ADARB2: variants seen among roughly 807,000 people sequenced by gnomAD.
ADARB2 encodes adenosine deaminase RNA specific B2 (inactive), also known as inactive double-stranded RNA-specific editase B2.
In ADARB2, 25 loss-of-function variants were observed where a neutral mutation model predicts 62.2. That is an observed-to-expected ratio of 0.40 (90% CI 0.29 to 0.56). ADARB2 has a LOEUF of 0.56. ADARB2 is among the 20% of genes least tolerant of loss of function. The pLI is 0.43. For missense variants in ADARB2, 1,071 were observed against 1,077.4 expected (o/e 0.99, Z 0.08); for synonymous variants, 572 against 500.8 (o/e 1.14, Z -1.90).
intron 1 of ADARB2, among the ~76,000 whole-genome samples, chr10:1,554,832 C>T (rs1399135395): frequency 1.3e-5 from 2 of 152,088 alleles, no homozygotes; most frequent in African/African-American, 2.4e-5. Flanking sequence ...GGGATATGAA[C>T]GATCTCGTGC....
chr10:1,645,717 A>T (rs186373643), intron 1 of ADARB2, among the ~76,000 whole-genome samples: 122 of 152,236 alleles, frequency 8.0e-4, no homozygotes, highest in Admixed American at 1.4e-3. Context: ...CCTCCCTGCC[A>T]TCTACACCTC....
intron 3 of ADARB2, among the ~76,000 whole-genome samples, chr10:1,306,387 C>G (rs1004230647): frequency 4.0e-5 from 6 of 151,802 alleles, no homozygotes; most frequent in African/African-American, 1.4e-4. Flanking sequence ...GAACTACAAA[C>G]CACTGCTCAA....
chr10:1,419,218 C>A (rs993493527), intron 1 of ADARB2, among the ~76,000 whole-genome samples: 3 of 152,116 alleles, frequency 2.0e-5, no homozygotes, highest in African/African-American at 7.2e-5. Context: ...CTCAGCCTCC[C>A]AAGTAGCTGG....
At chr10:1,506,467 G>A (rs1462898707) in intron 1 of ADARB2, among the ~76,000 whole-genome samples, 3 of 152,196 alleles carry the variant, frequency 2.0e-5, no homozygotes, top group African/African-American at 7.2e-5. Context: ...CCAGACACCA[G>A]CAAAACTCTG....
At chr10:1,446,785 T>C (rs1467470201) in intron 1 of ADARB2, among the ~76,000 whole-genome samples, 1 of 152,164 alleles carries the variant, frequency 6.6e-6, no homozygotes, top group Non-Finnish European at 1.5e-5. Flanking sequence ...TGGTTCAGAG[T>C]GGACTTTGAT....
At chr10:1,541,770 C>T (rs376957003) in intron 1 of ADARB2, among the ~76,000 whole-genome samples, 9,995 of 36,424 alleles carry the variant, frequency 0.27, 2,624 homozygotes, top group Non-Finnish European at 0.35. Context: ...CACTCAGACG[C>T]AGTTCGGACC....
intron 3 of ADARB2, among the ~76,000 whole-genome samples, chr10:1,326,740 C>T (rs1416968219): frequency 1.3e-5 from 2 of 151,442 alleles, no homozygotes; most frequent in Non-Finnish European, 3.0e-5. Context: ...CATGGCACGG[C>T]GCCTCCCGAC....
intron 1 of ADARB2, among the ~76,000 whole-genome samples, chr10:1,493,561 G>A (rs1050399008): frequency 5.3e-5 from 8 of 151,838 alleles, no homozygotes; most frequent in African/African-American, 1.2e-4. Flanking sequence ...TGATCTCTCC[G>A]AACCTATTTC....
At chr10:1,526,840 G>T (rs375067430) in intron 1 of ADARB2, 23 of 516,664 alleles carry the variant, frequency 4.5e-5, no homozygotes, top group Middle Eastern at 3.2e-4. Flanking sequence ...TGGAGGGGTC[G>T]TGAGCGGGCA....
intron 1 of ADARB2, among the ~76,000 whole-genome samples, chr10:1,510,721 T>C (rs1309343369): frequency 6.6e-6 from 1 of 152,192 alleles, no homozygotes; most frequent in African/African-American, 2.4e-5. Context: ...AATCTCAGAC[T>C]AATGACTCCC....
chr10:1,460,901 A>C lies in ADARB2; in HGVS notation c.101-81741T>G, dbSNP rs1341097021. Among the ~76,000 whole-genome samples the C allele has an allele frequency of 2.0e-5, 3 of 151,462 alleles. 1 individual carries two copies. On this transcript the variant is annotated intron_variant, in intron 1 of 9. Coordinates refer to ENST00000381312, the MANE Select transcript of ADARB2 (RefSeq NM_018702.4). ...TGACCTGAGTTTACCTGCGTTACGA[A>C]CCTGCCTGTGACCTGAGTTTACCTG...
chr10:1,433,350 A>T (rs1830796639), intron 1 of ADARB2, among the ~76,000 whole-genome samples: 1 of 151,998 alleles, frequency 6.6e-6, no homozygotes, highest in Non-Finnish European at 1.5e-5. Context: ...TGCAGGGAGG[A>T]CGTATGGTTT....
At chr10:1,268,065 T>G (rs1394914728) in intron 4 of ADARB2, among the ~76,000 whole-genome samples, 1 of 152,152 alleles carries the variant, frequency 6.6e-6, no homozygotes, top group African/African-American at 2.4e-5. Context: ...ACACCCAAAT[T>G]TGATGCAATA....
intron 3 of ADARB2, among the ~76,000 whole-genome samples, chr10:1,289,455 G>A (rs750801911): frequency 2.6e-5 from 4 of 152,180 alleles, no homozygotes; most frequent in South Asian, 4.1e-4. Context: ...TTGGGTTCAC[G>A]TTGGGGACCT....
chr10:1,303,615 G>A (rs4406751), intron 3 of ADARB2, among the ~76,000 whole-genome samples: 69,198 of 150,294 alleles, frequency 0.46, 17,445 homozygotes, highest in East Asian at 0.8. Context: ...AAAATGTTAA[G>A]GGCAGCCAGA....
intron 1 of ADARB2, among the ~76,000 whole-genome samples, chr10:1,603,117 AC>A (rs1833446703): frequency 6.7e-6 from 1 of 150,334 alleles, no homozygotes; most frequent in South Asian, 2.1e-4. Flanking sequence ...ACACCTATAC[AC>A]ACACACCTAT....
At position 1,589,802 on chromosome 10, in the gene ADARB2, T is replaced by C. The variant is rs180987979; in HGVS notation, c.100+147249A>G. Among the ~76,000 whole-genome samples, 308 of 152,322 alleles carry C rather than the reference T, an allele frequency of 2.0e-3. 1 individual carries two copies. The highest frequency in any genetic ancestry group is 7.1e-3 in the African/African-American group (294 of 41,562). On this transcript the variant is annotated intron_variant, in intron 1 of 9. Transcript: ENST00000381312. ...AATTCTCCAGTCTCAGCCTCCTGAG[T>C]AGCTGGGATTACAGGTGCCTGCCAC...
At chr10:1,716,106 G>T (rs754433150) in intron 1 of ADARB2, among the ~76,000 whole-genome samples, 1 of 151,152 alleles carries the variant, frequency 6.6e-6, no homozygotes, top group Non-Finnish European at 1.5e-5. Flanking sequence ...TGGGTGCACC[G>T]TGCGCGTTCC....
chr10:1,326,790 C>G lies in ADARB2; in HGVS notation c.1077+36238G>C, dbSNP rs568684816. 1.3e-4 allele frequency among the ~76,000 whole-genome samples: 11 copies of G among 81,746 alleles called. 1 individual carries two copies. In the South Asian group the frequency reaches 2.5e-3, roughly 19 times the overall value. The allele number at this position is 81,746 out of a possible 152,430, so 53.6% of individuals were successfully genotyped here. A position where few individuals can be genotyped will look rare whatever the true frequency, so the allele number is the denominator to read the frequency against. ...GGTAGCACAGCCCCTCCTCACTGCCCAGCGCCTCCCCACGGCCCAGCGCCT... is the reference window on the plus strand; with the variant it reads ...GGTAGCACAGCCCCTCCTCACTGCCGAGCGCCTCCCCACGGCCCAGCGCCT... On this transcript the variant is annotated intron_variant, in intron 3 of 9. Transcript: ENST00000381312.
Sources: allele counts gnomAD v4.1 joint callset (sites outside exome capture counted in the v4.1 genomes callset), GRCh38; gene constraint gnomAD v4.1.1; transcripts MANE v1.5; gene names NCBI Gene and HGNC (gene_info 2026-07-23, HGNC 2026-07-21).